The following KCNN3 variants were observed in gnomAD, a reference collection of about 807,000 sequenced individuals.
KCNN3 encodes the protein small conductance calcium-activated potassium channel protein 3.
KCNN3 carries 16 observed loss-of-function variants against 62.9 expected under a neutral mutation model. The ratio of observed to expected loss-of-function variants is 0.25; its 90% CI spans 0.17 to 0.39. The LOEUF is 0.39. Among genes scored for constraint, KCNN3 ranks in the 10% least tolerant of loss-of-function variants. The probability of loss-of-function intolerance (pLI) is 1.00; values close to 1 mark genes in which losing one functional copy is unlikely to be tolerated. For missense variants in KCNN3, 599 were observed against 949.4 expected (o/e 0.63, Z 4.85); for synonymous variants, 370 against 389.2 (o/e 0.95, Z 0.58).
chr1:154,796,757 T>C (rs1008589164), intron 2 of KCNN3, among the ~76,000 whole-genome samples: 1 of 152,254 alleles, frequency 6.6e-6, no homozygotes, highest in African/African-American at 2.4e-5. Context: ...CTGGCCAAGC[T>C]GTGCAAGGCA....
intron 2 of KCNN3, among the ~76,000 whole-genome samples, chr1:154,820,568 G>A (rs1467653862): frequency 1.3e-5 from 2 of 152,312 alleles, no homozygotes; most frequent in East Asian, 1.9e-4. Flanking sequence ...GTGGAACCAG[G>A]CCCGGAGCCC....
chr1:154,707,237 A>T lies in KCNN3; in HGVS notation c.*739T>A, dbSNP rs1202450246. 1 of 152,138 alleles carries T rather than the reference A, an allele frequency of 6.6e-6. No individual in the cohort carries two copies. Among genetic ancestry groups the T allele is most frequent in the African/African-American group, 2.4e-5 (1 of 41,432 alleles). 9.4% of individuals were successfully genotyped at this position (152,138 alleles called of 1,614,324 possible). A position where few individuals can be genotyped will look rare whatever the true frequency, so the allele number is the denominator to read the frequency against. ...TCAGATTCAGACCAACTCAAAACAC[A>T]TGTAAGGGGTGCCTATTGTATGCAG... On this transcript the variant is annotated 3_prime_UTR_variant, in exon 8 of 8. Coordinates refer to ENST00000271915, the MANE Select transcript of KCNN3 (RefSeq NM_002249.6).
Position 154,869,713 on chromosome 1 carries a change from G to C in KCNN3, c.252C>G (p.Pro84=), listed in dbSNP as rs1653097536. 2 of 794,326 alleles carry C rather than the reference G, an allele frequency of 2.5e-6. No homozygotes were observed. Among genetic ancestry groups the C allele is most frequent in the Non-Finnish European group, 3.5e-6 (2 of 567,732 alleles). The allele number at this position is 794,326 out of a possible 1,614,324, so 49.2% of individuals were successfully genotyped here. Residue 84 remains proline, a synonymous_variant, in exon 1 of 8, where the codon CCC becomes CCG. Coordinates refer to ENST00000271915, the MANE Select transcript of KCNN3 (RefSeq NM_002249.6). The surrounding 1 kb of genome is among the most constrained non-coding windows in gnomAD (Gnocchi z 6.1). Reference sequence around the variant, plus strand: ...TCTGGAGTTGGGCGAGCTGAGACAGGGGATGCGGTGGCTGCTGCTGCTGCT... The same window carrying C: ...TCTGGAGTTGGGCGAGCTGAGACAGCGGATGCGGTGGCTGCTGCTGCTGCT... ...QQQQQQQPPH[P]LSQLAQLQSQ...
Position 154,702,062 on chromosome 1 carries a change from G to C in KCNN3, c.*5914C>G, listed in dbSNP as rs1323007530. On this transcript the variant is annotated 3_prime_UTR_variant, in exon 8 of 8. Transcript: ENST00000271915. ...GGCTTTTAAAATCTCTTCTGAAATG[G>C]CTTGATAGAATTTAGGGTAGAATTA... 1.3e-5 allele frequency: 2 copies of C among 152,072 alleles called. No homozygotes were observed. Among genetic ancestry groups the C allele is most frequent in the Admixed American group, 6.6e-5 (1 of 15,258 alleles). 9.4% of individuals were successfully genotyped at this position (152,072 alleles called of 1,614,324 possible). A position where few individuals can be genotyped will look rare whatever the true frequency, so the allele number is the denominator to read the frequency against.
intron 2 of KCNN3, among the ~76,000 whole-genome samples, chr1:154,777,520 G>A (rs1399765587): frequency 6.6e-6 from 1 of 152,142 alleles, no homozygotes; most frequent in South Asian, 2.1e-4. Context: ...ACCATGGGAA[G>A]GGACACCCTC....
At chr1:154,835,666 T>C (rs1013523266) in intron 1 of KCNN3, among the ~76,000 whole-genome samples, 4 of 152,236 alleles carry the variant, frequency 2.6e-5, no homozygotes, top group African/African-American at 9.6e-5. Flanking sequence ...TTGAATTTCT[T>C]GGCACAGAGG....
Position 154,869,368 on chromosome 1 carries a change from G to A in KCNN3, c.597C>T (p.Ile199=). The A allele has an allele frequency of 6.2e-7, 1 of 1,614,126 alleles. No individual in the cohort carries two copies. The highest frequency in any genetic ancestry group is 8.5e-7 in the Non-Finnish European group (1 of 1,179,994). Residue 199 remains isoleucine (I), a synonymous_variant, in exon 1 of 8, where the codon ATC becomes ATT. Transcript: ENST00000271915. This position sits in a 1 kb window ranked among gnomAD's most constrained non-coding sequence, Gnocchi z 6.1. ...SRLSASRRNL[I]EAETEGQPLQ... ...GGGGTTGGCCCTCAGTCTCGGCCTC[G>A]ATGAGGTTCCTCCGGGAGGCGCTGA...
chr1:154,796,553 G>T (rs1029127405), intron 2 of KCNN3, among the ~76,000 whole-genome samples: 2 of 152,218 alleles, frequency 1.3e-5, no homozygotes, highest in Admixed American at 6.5e-5. Context: ...TGCAGGGACT[G>T]CCCAAGTTAC....
rs188799652 is a variant in KCNN3, at chr1:154,835,421, A to G, written c.934-13237T>C. Among the ~76,000 whole-genome samples the G allele has an allele frequency of 5.7e-3, 866 of 152,172 alleles. 16 individuals are homozygous for G. The highest frequency in any genetic ancestry group is 0.02 in the African/African-American group (822 of 41,500). On this transcript the variant is annotated intron_variant, in intron 1 of 7. Transcript: ENST00000271915. ...CCCCCTTCCCGCCCTCTGCCCCCAC[A>G]CCTGCCAGCTTCCACACCCACTATG...
At chr1:154,790,004 G>A (rs1022243154) in intron 2 of KCNN3, among the ~76,000 whole-genome samples, 3 of 152,168 alleles carry the variant, frequency 2.0e-5, no homozygotes, top group African/African-American at 7.2e-5. Flanking sequence ...TGCCTCCTGG[G>A]TTCAAGCAAT....
chr1:154,761,459 C>T (rs1292295467), intron 3 of KCNN3, among the ~76,000 whole-genome samples: 1 of 152,076 alleles, frequency 6.6e-6, no homozygotes, highest in Non-Finnish European at 1.5e-5. Context: ...CAGAGCGAGA[C>T]TCTATCTCAT....
At chr1:154,719,606 T>G (rs1700303387) in intron 5 of KCNN3, among the ~76,000 whole-genome samples, 1 of 152,144 alleles carries the variant, frequency 6.6e-6, no homozygotes, top group Non-Finnish European at 1.5e-5. Flanking sequence ...TTACACAGGT[T>G]GAAATTAGGC....
At chr1:154,859,490 C>G (rs569827037) in intron 1 of KCNN3, among the ~76,000 whole-genome samples, 9 of 152,308 alleles carry the variant, frequency 5.9e-5, no homozygotes, top group Non-Finnish European at 1.2e-4. Context: ...CACTGAGGCT[C>G]GGAGAGTTTG....
chr1:154,839,223 T>C (rs928095251), intron 1 of KCNN3, among the ~76,000 whole-genome samples: 2 of 152,146 alleles, frequency 1.3e-5, no homozygotes, highest in African/African-American at 4.8e-5. Context: ...TGACCTGCGA[T>C]CTGCAGACCT....
intron 3 of KCNN3, among the ~76,000 whole-genome samples, chr1:154,737,737 C>T (rs775983439): frequency 4.6e-5 from 7 of 151,880 alleles, no homozygotes; most frequent in Non-Finnish European, 1.0e-4. Flanking sequence ...TCCCAAAAAG[C>T]AGAAAAAGAC....
At chr1:154,848,082 C>T (rs578152103) in intron 1 of KCNN3, among the ~76,000 whole-genome samples, 5 of 152,290 alleles carry the variant, frequency 3.3e-5, no homozygotes, top group Admixed American at 3.3e-4. Flanking sequence ...CTGATGAGTT[C>T]CAGAAGGAGG....
intron 2 of KCNN3, among the ~76,000 whole-genome samples, chr1:154,807,387 C>T (rs1650219128): frequency 6.6e-6 from 1 of 152,222 alleles, no homozygotes; most frequent in Admixed American, 6.5e-5. Context: ...CTACCTGCCC[C>T]CGCACTTCAA....
At chr1:154,825,919 G>A (rs898378268) in intron 1 of KCNN3, among the ~76,000 whole-genome samples, 1 of 151,494 alleles carries the variant, frequency 6.6e-6, no homozygotes, top group Admixed American at 6.6e-5. Flanking sequence ...GTGGTGGCAG[G>A]CGCCTGTAGT....
At chr1:154,827,796 C>A (rs1222123817) in intron 1 of KCNN3, among the ~76,000 whole-genome samples, 1 of 151,498 alleles carries the variant, frequency 6.6e-6, no homozygotes, top group Non-Finnish European at 1.5e-5. Flanking sequence ...AAGACTCTGT[C>A]TCAATAATAA....
Sources: allele counts gnomAD v4.1 joint callset (sites outside exome capture counted in the v4.1 genomes callset), GRCh38; gene constraint gnomAD v4.1.1; non-coding constraint Gnocchi (gnomAD v3.1); transcripts MANE v1.5; gene names NCBI Gene and HGNC (gene_info 2026-07-23, HGNC 2026-07-21).